The following CHRM3 variants were observed in gnomAD, a reference collection of about 807,000 sequenced individuals.
The protein encoded by CHRM3 is cholinergic receptor muscarinic 3.
CHRM3 carries 11 observed loss-of-function variants against 41.8 expected under a neutral mutation model. The observed-to-expected ratio is 0.26, with a 90% CI of 0.17 to 0.44. The LOEUF (loss-of-function observed/expected upper bound fraction) is 0.44. Among genes scored for constraint, CHRM3 ranks in the 20% least tolerant of loss-of-function variants. The probability of loss-of-function intolerance (pLI) is 1.00; values close to 1 mark genes in which losing one functional copy is unlikely to be tolerated. For synonymous variants in CHRM3, 297 were observed against 301.4 expected (o/e 0.99, Z 0.15); for missense variants, 571 against 745.4 (o/e 0.77, Z 2.72).
At chr1:239,706,627 C>CACACAT (rs1004709960) in intron 5 of CHRM3, 1 of 153,162 alleles carries the variant, frequency 6.5e-6, no homozygotes, top group Non-Finnish European at 1.4e-5. Context: ...TACACACACA[C>CACACAT]ACACACACAC....
intron 5 of CHRM3, among the ~76,000 whole-genome samples, chr1:239,718,463 A>C (rs759706445): frequency 6.6e-6 from 1 of 151,984 alleles, no homozygotes; most frequent in Non-Finnish European, 1.5e-5. Context: ...ATTTGTTTCT[A>C]ATTGGGGAAG....
chr1:239,449,827 A>G (rs1379378381), intron 1 of CHRM3, among the ~76,000 whole-genome samples: 3 of 151,792 alleles, frequency 2.0e-5, no homozygotes, highest in Non-Finnish European at 4.4e-5. Flanking sequence ...GTGGAGTGGA[A>G]AGAGACATAG....
chr1:239,836,041 G>A (rs143628904), intron 6 of CHRM3, among the ~76,000 whole-genome samples: 94 of 152,362 alleles, frequency 6.2e-4, no homozygotes, highest in African/African-American at 1.9e-3. Context: ...CACGGATGGC[G>A]TTCTGTGGGG....
chr1:239,488,435 CCAG>C (rs1170638649), intron 1 of CHRM3, among the ~76,000 whole-genome samples: 1 of 151,830 alleles, frequency 6.6e-6, no homozygotes, highest in African/African-American at 2.4e-5. Flanking sequence ...ATTAGATGGG[CCAG>C]GCGCGGGTGG....
chr1:239,454,271 A>C (rs1034886937), intron 1 of CHRM3, among the ~76,000 whole-genome samples: 2 of 152,088 alleles, frequency 1.3e-5, no homozygotes, highest in African/African-American at 4.8e-5. Context: ...CTTTGAGGTA[A>C]ATTATTTGCT....
chr1:239,650,182 T>G (rs973955602), intron 4 of CHRM3, among the ~76,000 whole-genome samples: 7 of 152,222 alleles, frequency 4.6e-5, no homozygotes, highest in African/African-American at 1.7e-4. Flanking sequence ...CACTAAGCCC[T>G]TCCTGCCTCC....
At chr1:239,901,990 ATT>A (rs1679615431) in intron 6 of CHRM3, among the ~76,000 whole-genome samples, 1 of 151,920 alleles carries the variant, frequency 6.6e-6, no homozygotes, top group African/African-American at 2.4e-5. Flanking sequence ...GCAAGGGGAG[ATT>A]TTTCTTATTT....
chr1:239,557,178 C>A (rs1660444656), intron 3 of CHRM3, among the ~76,000 whole-genome samples: 1 of 152,136 alleles, frequency 6.6e-6, no homozygotes, highest in African/African-American at 2.4e-5. Context: ...GCTCCTGACA[C>A]CTCTACTTCT....
chr1:239,759,172 TTTTTTTTTTG>T (rs1666502339), intron 5 of CHRM3, among the ~76,000 whole-genome samples: 4 of 143,974 alleles, frequency 2.8e-5, no homozygotes, highest in African/African-American at 5.5e-5. Context: ...TTTTTTTGTT[TTTTTTTTTTG>T]TTTTTTTTTT....
At chr1:239,763,597 A>G (rs2148670181) in intron 5 of CHRM3, among the ~76,000 whole-genome samples, 1 of 152,344 alleles carries the variant, frequency 6.6e-6, no homozygotes, top group South Asian at 2.1e-4. Context: ...TCAAAGTGCT[A>G]TGAAATGGGA....
At chr1:239,618,202 C>CT (rs1168467687) in intron 3 of CHRM3, among the ~76,000 whole-genome samples, 2 of 149,352 alleles carry the variant, frequency 1.3e-5, no homozygotes, top group African/African-American at 5.0e-5. Context: ...ACATTTGGGG[C>CT]TTGCAGTCTT....
chr1:239,720,059 G>T, intron 5 of CHRM3: 1 of 151,938 alleles, frequency 6.6e-6, no homozygotes, highest in East Asian at 1.9e-4. Context: ...AAATACTTAT[G>T]CAGAAGACCT....
chr1:239,774,509 G>T (rs1667944563), intron 5 of CHRM3, among the ~76,000 whole-genome samples: 1 of 152,156 alleles, frequency 6.6e-6, no homozygotes, highest in African/African-American at 2.4e-5. Context: ...AGTGCAGAAT[G>T]AAATTTCTTT....
intron 1 of CHRM3, among the ~76,000 whole-genome samples, chr1:239,466,001 A>T (rs577284423): frequency 3.1e-4 from 47 of 151,582 alleles, no homozygotes; most frequent in African/African-American, 8.7e-4. Flanking sequence ...TTATTTATTT[A>T]TTTTTTTCCT....
intron 5 of CHRM3, among the ~76,000 whole-genome samples, chr1:239,764,743 T>C (rs1667066600): frequency 6.6e-6 from 1 of 152,246 alleles, no homozygotes; most frequent in Admixed American, 6.5e-5. Flanking sequence ...ATAAATCATT[T>C]TGGCAAGAAG....
chr1:239,729,064 A>G (rs1663713940), intron 5 of CHRM3, among the ~76,000 whole-genome samples: 1 of 151,928 alleles, frequency 6.6e-6, no homozygotes, highest in Admixed American at 6.6e-5. Flanking sequence ...TGACATTTGC[A>G]TTGCTGGTGT....
intron 6 of CHRM3, among the ~76,000 whole-genome samples, chr1:239,868,184 C>T (rs1159874751): frequency 1.3e-5 from 2 of 152,208 alleles, no homozygotes; most frequent in South Asian, 2.1e-4. Flanking sequence ...TGCTCAGCAA[C>T]ACCCTTGGGT....
rs547601037 is a variant in CHRM3, at chr1:239,836,773, C to T, written c.-20+9395C>T. Among the ~76,000 whole-genome samples, 127 of 152,118 alleles carry T rather than the reference C, an allele frequency of 8.3e-4. 1 individual carries two copies. Among genetic ancestry groups the T allele is most frequent in the Non-Finnish European group, 1.5e-3 (105 of 67,990 alleles). On this transcript the variant is annotated intron_variant, in intron 6 of 6. Coordinates refer to ENST00000676153, the MANE Select transcript of CHRM3 (RefSeq NM_001375978.1). Reference sequence around the variant, plus strand: ...CTGATGGATCACAAGATCAAGAGATCGAGACCATCTGGACAACATGGTGAA... The same window carrying T: ...CTGATGGATCACAAGATCAAGAGATTGAGACCATCTGGACAACATGGTGAA...
intron 3 of CHRM3, among the ~76,000 whole-genome samples, chr1:239,569,390 C>T (rs1424767041): frequency 1.3e-5 from 2 of 152,160 alleles, no homozygotes; most frequent in African/African-American, 4.8e-5. Context: ...ATCAACTCAT[C>T]ATATAATGAC....
Sources: allele counts gnomAD v4.1 joint callset (sites outside exome capture counted in the v4.1 genomes callset), GRCh38; gene constraint gnomAD v4.1.1; transcripts MANE v1.5; gene names NCBI Gene and HGNC (gene_info 2026-07-23, HGNC 2026-07-21).